PTPRD: variants seen among roughly 807,000 people sequenced by gnomAD.
The protein encoded by PTPRD is protein tyrosine phosphatase receptor type D.
In PTPRD, 34 loss-of-function variants were observed where a neutral mutation model predicts 214.5. The observed-to-expected ratio is 0.16, with a 90% confidence interval of 0.12 to 0.21. The LOEUF is 0.21. Among genes scored for constraint, PTPRD ranks in the 10% least tolerant of loss-of-function variants. The probability of loss-of-function intolerance (pLI) is 1.00; values close to 1 mark genes in which losing one functional copy is unlikely to be tolerated. For synonymous variants in PTPRD, 1,128 were observed against 845.7 expected (o/e 1.33, Z -5.79); for missense variants, 2,545 against 2,398.7 (o/e 1.06, Z -1.27).
chr9:10,228,788 AT>A lies in PTPRD; in HGVS notation c.-545+112174del, dbSNP rs756233044. Among the ~76,000 whole-genome samples the A allele has an allele frequency of 4.0e-5, 6 of 149,802 alleles. No homozygotes were observed. The East Asian group carries it at 7.8e-4, about 20-fold the overall frequency. ...TATATGTATAAATATGTGATATAAA[AT>A]TATATATTATTTATATGTAACTTTA... On this transcript the variant is annotated intron_variant, in intron 3 of 45. Transcript: ENST00000381196.
intron 12 of PTPRD, among the ~76,000 whole-genome samples, chr9:8,725,931 A>C (rs1463743762): frequency 6.6e-6 from 1 of 152,040 alleles, no homozygotes; most frequent in East Asian, 1.9e-4. Flanking sequence ...TTCTGAAGAT[A>C]GATTACAGGC....
At chr9:9,251,517 T>G (rs2131594590) in intron 9 of PTPRD, among the ~76,000 whole-genome samples, 1 of 152,200 alleles carries the variant, frequency 6.6e-6, no homozygotes, top group East Asian at 1.9e-4. Context: ...AAAAGCCGGC[T>G]CAAGGGTGTT....
intron 12 of PTPRD, among the ~76,000 whole-genome samples, chr9:8,675,538 CAAAAAAAAAA>C (rs61509653): frequency 3.5e-4 from 17 of 49,114 alleles, no homozygotes; most frequent in Admixed American, 9.4e-4. Flanking sequence ...CACACACACA[CAAAAAAAAAA>C]AAAAAAAAAA....
chr9:8,745,442 C>A (rs1003088151), intron 11 of PTPRD, among the ~76,000 whole-genome samples: 1 of 152,042 alleles, frequency 6.6e-6, no homozygotes, highest in African/African-American at 2.4e-5. Context: ...GGGAAGGCAA[C>A]CTTAAAGGCG....
At chr9:8,802,019 ATTAT>A (rs1049367565) in intron 11 of PTPRD, among the ~76,000 whole-genome samples, 34 of 152,280 alleles carry the variant, frequency 2.2e-4, no homozygotes, top group Admixed American at 1.8e-3. Context: ...ATCCTAAAAT[ATTAT>A]TTATTATCGC....
At chr9:9,344,794 A>T (rs1226316316) in intron 9 of PTPRD, among the ~76,000 whole-genome samples, 1 of 152,068 alleles carries the variant, frequency 6.6e-6, no homozygotes, top group Non-Finnish European at 1.5e-5. Flanking sequence ...TATTTAAAAA[A>T]CTTCTAATGA....
At chr9:8,712,877 C>A (rs1218039645) in intron 12 of PTPRD, among the ~76,000 whole-genome samples, 1 of 152,080 alleles carries the variant, frequency 6.6e-6, no homozygotes, top group Non-Finnish European at 1.5e-5. Context: ...CGCCACCACG[C>A]CTGACTAATT....
At chr9:9,868,761 CA>C (rs2064672001) in intron 5 of PTPRD, among the ~76,000 whole-genome samples, 1 of 149,370 alleles carries the variant, frequency 6.7e-6, no homozygotes, top group African/African-American at 2.6e-5. Context: ...TAAAAACTTT[CA>C]AACAGAAAGC....
intron 12 of PTPRD, among the ~76,000 whole-genome samples, chr9:8,726,171 G>C (rs1455585628): frequency 6.6e-6 from 1 of 152,008 alleles, no homozygotes; most frequent in African/African-American, 2.4e-5. Flanking sequence ...TCCAATCACA[G>C]GACCTTTCTC....
chr9:8,995,134 A>AT (rs1301947348), intron 11 of PTPRD, among the ~76,000 whole-genome samples: 2 of 152,148 alleles, frequency 1.3e-5, no homozygotes, highest in African/African-American at 4.8e-5. Context: ...TATAACTGGC[A>AT]TTTTTTTAAA....
intron 11 of PTPRD, among the ~76,000 whole-genome samples, chr9:8,765,928 A>T (rs2094703072): frequency 6.6e-6 from 1 of 152,086 alleles, no homozygotes; most frequent in Admixed American, 6.6e-5. Context: ...AACCAAAATG[A>T]TTTCTAAGAC....
At chr9:9,676,568 A>G (rs1196701878) in intron 7 of PTPRD, among the ~76,000 whole-genome samples, 2 of 152,074 alleles carry the variant, frequency 1.3e-5, no homozygotes, top group African/African-American at 4.8e-5. Flanking sequence ...GTTATTGTGA[A>G]TAGTGCTGCA....
chr9:9,656,606 G>A (rs1290440458), intron 7 of PTPRD, among the ~76,000 whole-genome samples: 1 of 152,100 alleles, frequency 6.6e-6, no homozygotes, highest in Non-Finnish European at 1.5e-5. Flanking sequence ...ATCCATGATT[G>A]CCAGGTTAGG....
At chr9:9,564,470 A>C (rs1054148362) in intron 8 of PTPRD, among the ~76,000 whole-genome samples, 2 of 152,090 alleles carry the variant, frequency 1.3e-5, no homozygotes, top group African/African-American at 4.8e-5. Flanking sequence ...CTGACTCCAC[A>C]TTAGATCAAC....
chr9:9,431,664 A>G (rs1313539312), intron 8 of PTPRD, among the ~76,000 whole-genome samples: 1 of 152,118 alleles, frequency 6.6e-6, no homozygotes, highest in Non-Finnish European at 1.5e-5. Context: ...CAAATGTCCA[A>G]CAATGATAGA....
intron 9 of PTPRD, among the ~76,000 whole-genome samples, chr9:9,326,139 G>A (rs537599757): frequency 3.3e-5 from 5 of 152,020 alleles, no homozygotes; most frequent in Admixed American, 6.6e-5. Context: ...TAACTATGAG[G>A]GTTGAGGAAA....
At chr9:8,374,820 A>C (rs978049499) in intron 39 of PTPRD, among the ~76,000 whole-genome samples, 1 of 152,008 alleles carries the variant, frequency 6.6e-6, no homozygotes, top group Non-Finnish European at 1.5e-5. Flanking sequence ...TTGCCAGCTC[A>C]TTGTTTAACA....
At chr9:9,896,197 T>C (rs951783100) in intron 5 of PTPRD, among the ~76,000 whole-genome samples, 47 of 152,188 alleles carry the variant, frequency 3.1e-4, no homozygotes, top group Non-Finnish European at 4.6e-4. Context: ...GAAAGTCTTA[T>C]TAAAAGCACA....
intron 26 of PTPRD, among the ~76,000 whole-genome samples, chr9:8,493,677 A>G (rs2097195427): frequency 1.3e-5 from 2 of 152,234 alleles, no homozygotes; most frequent in African/African-American, 4.8e-5. Context: ...CACATTAAAA[A>G]GCAGCCATAA....
Sources: gnomAD v4.1 joint callset for allele counts (sites outside exome capture counted in the v4.1 genomes callset) on GRCh38, gnomAD v4.1.1 for gene constraint, MANE v1.5 for transcripts, NCBI Gene and HGNC (gene_info 2026-07-23, HGNC 2026-07-21) for gene names.